Variants in GLMN observed in about 807,000 individuals in gnomAD.
GLMN encodes glomulin, FKBP associated protein.
Under a neutral mutation model 87.8 loss-of-function variants are expected in GLMN, and 75 were observed. The ratio of observed to expected loss-of-function variants is 0.85; its 90% CI spans 0.71 to 1.04. The LOEUF (loss-of-function observed/expected upper bound fraction) is 1.04, where lower values mean the gene tolerates loss of function less well. Ranked by LOEUF, GLMN falls within the 50% of genes least tolerant of loss-of-function variation. The probability of loss-of-function intolerance (pLI) is 0.00; values close to 1 mark genes in which losing one functional copy is unlikely to be tolerated. For missense variants in GLMN, 588 were observed against 658.8 expected (o/e 0.89, Z 1.18); for synonymous variants, 206 against 221.6 (o/e 0.93, Z 0.63).
At chr1:92,304,906 G>A in the GLMN span, among the ~76,000 whole-genome samples, 2,971 of 151,580 alleles carry the variant, frequency 0.02, 120 homozygotes, top group African/African-American at 0.068. Context: ...GAGGCCAAGG[G>A]GGGCGGATTA....
the GLMN span, among the ~76,000 whole-genome samples, chr1:92,314,083 T>C: frequency 6.6e-6 from 1 of 152,226 alleles, no homozygotes; most frequent in Non-Finnish European, 1.5e-5. Flanking sequence ...GCAATAAGGC[T>C]GTTTTGCTTT....
intron 16 of GLMN, among the ~76,000 whole-genome samples, chr1:92,251,141 A>G (rs1162924592): frequency 6.6e-6 from 1 of 152,238 alleles, no homozygotes; most frequent in African/African-American, 2.4e-5. Context: ...AAAATAGCCA[A>G]TACAATTTTG....
chr1:92,264,552 A>T lies in GLMN; in HGVS notation c.1299+2T>A. The T allele has an allele frequency of 7.0e-7, 1 of 1,429,474 alleles. No individual in the cohort carries two copies. Among genetic ancestry groups the T allele is most frequent in the Non-Finnish European group, 9.9e-7 (1 of 1,011,690 alleles). 88.5% of individuals were successfully genotyped at this position (1,429,474 alleles called of 1,614,324 possible). On this transcript the variant is annotated splice_donor_variant, in intron 14 of 18. Coordinates refer to ENST00000370360, the MANE Select transcript of GLMN (RefSeq NM_053274.3). LOFTEE classifies it high-confidence loss of function. ...TAATTGACACTTTGGCTATGTTCTT[A>T]CCTTTAATGACATGTCAATTTGATT...
chr1:92,313,879 T>C, the GLMN span, among the ~76,000 whole-genome samples: 1 of 152,256 alleles, frequency 6.6e-6, no homozygotes, highest in Non-Finnish European at 1.5e-5. Flanking sequence ...TGCACTTTTA[T>C]GTTGTGGAGA....
chr1:92,284,926 G>A (rs1440602443), intron 7 of GLMN, among the ~76,000 whole-genome samples: 4 of 152,062 alleles, frequency 2.6e-5, no homozygotes, highest in Non-Finnish European at 4.4e-5. Context: ...ACCATCTCAC[G>A]CCAGTTAGAA....
the GLMN span, among the ~76,000 whole-genome samples, chr1:92,332,468 A>G: frequency 6.6e-6 from 1 of 152,008 alleles, no homozygotes; most frequent in Non-Finnish European, 1.5e-5. Context: ...TTTTTATCAT[A>G]TTGTCGTGTT....
the GLMN span, among the ~76,000 whole-genome samples, chr1:92,345,491 G>A: frequency 7.3e-4 from 111 of 151,710 alleles, 1 homozygote; most frequent in African/African-American, 2.6e-3. Flanking sequence ...GGGAGGAATT[G>A]CTTGGTTAGG....
In GLMN at chr1:92,267,934, C is replaced by A. The variant is rs1460866740; in HGVS notation, c.1077G>T (p.Lys359Asn). The A allele has an allele frequency of 6.0e-6, 9 of 1,499,510 alleles. No individual in the cohort carries two copies. The highest frequency in any genetic ancestry group is 8.4e-6 in the Non-Finnish European group (9 of 1,075,658). The allele number at this position is 1,499,510 out of a possible 1,614,324, so 92.9% of individuals were successfully genotyped here. A position where few individuals can be genotyped will look rare whatever the true frequency, so the allele number is the denominator to read the frequency against. The change falls in exon 11 of 19, where the codon AAG (lysine) becomes AAT (asparagine). Residue 359 changes from lysine to asparagine, a missense_variant. Transcript: ENST00000370360. ...NSLLYQYLEI[K>N]SFLTVPQGLV... Reference sequence around the variant, plus strand: ...TTACCTGAGGTACAGTAAGAAAACTCTTGATTTCTAAGTACTGGTAAAGTA... The same window carrying A: ...TTACCTGAGGTACAGTAAGAAAACTATTGATTTCTAAGTACTGGTAAAGTA...
At chr1:92,265,911 T>C (rs1467598440) in intron 13 of GLMN, among the ~76,000 whole-genome samples, 1 of 152,210 alleles carries the variant, frequency 6.6e-6, no homozygotes, top group Non-Finnish European at 1.5e-5. Context: ...ATAAAACCTA[T>C]ATTTACTATT....
At position 92,275,897 on chromosome 1, in the gene GLMN, C is replaced by T. The variant is rs1396855752; in HGVS notation, c.736-4245G>A. On this transcript the variant is annotated intron_variant, in intron 7 of 18. Transcript: ENST00000370360. ...ACTCCTGAGCCCTTTTCTCTTGTCACCTCTTTAGGTAATCTCACCCCCTCT... is the reference window on the plus strand; with the variant it reads ...ACTCCTGAGCCCTTTTCTCTTGTCATCTCTTTAGGTAATCTCACCCCCTCT... Among the ~76,000 whole-genome samples the T allele has an allele frequency of 2.0e-5, 3 of 152,232 alleles. No individual in the cohort carries two copies. The East Asian group carries it at 5.8e-4, about 29-fold the overall frequency.
chr1:92,269,751 T>C lies in GLMN; in HGVS notation c.949A>G (p.Met317Val). The change falls in exon 9 of 19, where the codon ATG (methionine) becomes GTG (valine). Residue 317 changes from methionine to valine, a missense_variant. Met to Val is a conservative substitution (Grantham distance 21). Transcript: ENST00000370360. ...LSPLYLLQFNMGHIEVFLQRT... is the reference protein window; with the variant it reads ...LSPLYLLQFNVGHIEVFLQRT... ...TGCAAAAAGACTTCAATGTGCCCCA[T>C]ATTAAACTGCAAAAGGTACAATGGG... 6.2e-7 allele frequency: 1 copy of C among 1,608,244 alleles called. No individual in the cohort carries two copies. The highest frequency in any genetic ancestry group is 1.1e-5 in the South Asian group (1 of 90,982).
intron 11 of GLMN, 111 bp downstream of exon 11, chr1:92,267,802 G>A: frequency 1.4e-6 from 1 of 731,380 alleles, no homozygotes; most frequent in Non-Finnish European, 2.5e-6. Flanking sequence ...TTACACCAGA[G>A]TTTTCAAAGG....
At chr1:92,347,837 C>A in the GLMN span, among the ~76,000 whole-genome samples, 1 of 152,032 alleles carries the variant, frequency 6.6e-6, no homozygotes, top group East Asian at 1.9e-4. Context: ...AAAAATTGTG[C>A]CTTAATTGAA....
chr1:92,292,549 T>C (rs1649523940), intron 3 of GLMN, among the ~76,000 whole-genome samples: 1 of 150,612 alleles, frequency 6.6e-6, no homozygotes, highest in African/African-American at 2.4e-5. Flanking sequence ...TAGCTGGGGC[T>C]ACAGGCACCC....
At chr1:92,299,844 T>A (rs1293544692), upstream of GLMN, among the ~76,000 whole-genome samples, 1 of 152,162 alleles carries the variant, frequency 6.6e-6, no homozygotes, top group Non-Finnish European at 1.5e-5. Context: ...CTAATGTGTT[T>A]GTGTAGACCT....
rs1244010789 is a variant in GLMN, at chr1:92,297,884, C to A, written c.39+77G>T. The A allele has an allele frequency of 3.6e-5, 29 of 808,602 alleles. No individual in the cohort carries two copies. The South Asian group carries it at 4.2e-4, about 12-fold the overall frequency. The allele number at this position is 808,602 out of a possible 1,614,324, so 50.1% of individuals were successfully genotyped here. A position where few individuals can be genotyped will look rare whatever the true frequency, so the allele number is the denominator to read the frequency against. On this transcript the variant is annotated intron_variant, in intron 2 of 18. Transcript: ENST00000370360. ...AAAGAAGATAAACAATTTGAGTGAC[C>A]ACAAATATAATTAAAAACAATCTGT...
intron 7 of GLMN, among the ~76,000 whole-genome samples, chr1:92,285,364 A>C (rs1480611436): frequency 2.0e-5 from 3 of 152,140 alleles, no homozygotes; most frequent in Admixed American, 2.0e-4. Context: ...TATCACAAGA[A>C]CAGAAAACCA....
the GLMN span, among the ~76,000 whole-genome samples, chr1:92,321,323 C>T: frequency 6.6e-6 from 1 of 152,052 alleles, no homozygotes; most frequent in African/African-American, 2.4e-5. Flanking sequence ...TGAGCTTACA[C>T]CTATTTTTAC....
At chr1:92,303,295 C>T (rs1302709190), upstream of GLMN, among the ~76,000 whole-genome samples, 1 of 152,088 alleles carries the variant, frequency 6.6e-6, no homozygotes, top group Non-Finnish European at 1.5e-5. Flanking sequence ...GGCAAATATG[C>T]TTCATTTGAA....
Sources: gnomAD v4.1 joint callset for allele counts (sites outside exome capture counted in the v4.1 genomes callset) on GRCh38, gnomAD v4.1.1 for gene constraint, MANE v1.5 for transcripts, NCBI Gene and HGNC (gene_info 2026-07-23, HGNC 2026-07-21) for gene names.